CNOT10: variants seen among roughly 807,000 people sequenced by gnomAD.
CNOT10 encodes CCR4-NOT transcription complex, subunit 10.
A neutral mutation model predicts 94.6 loss-of-function variants in CNOT10; 30 were observed. The ratio of observed to expected loss-of-function variants is 0.32; its 90% CI spans 0.24 to 0.43. The LOEUF is 0.43. CNOT10 is among the 20% of genes least tolerant of loss of function. The pLI is 1.00. For missense variants in CNOT10, 759 were observed against 877.2 expected (o/e 0.87, Z 1.70); for synonymous variants, 289 against 301.6 (o/e 0.96, Z 0.43).
intron 18 of CNOT10, among the ~76,000 whole-genome samples, chr3:32,771,262 G>A (rs1700891975): frequency 1.3e-5 from 2 of 151,724 alleles, no homozygotes; most frequent in Admixed American, 1.3e-4. Context: ...TGGAGGTTGA[G>A]GCTGCAGTGA....
chr3:32,695,835 G>A (rs906013702), intron 1 of CNOT10: 7 of 1,531,932 alleles, frequency 4.6e-6, no homozygotes, highest in South Asian at 1.2e-5. Context: ...CTGGTAAGAA[G>A]TCAGTAGTTA....
chr3:32,706,760 A>G (rs1366094978), intron 3 of CNOT10, among the ~76,000 whole-genome samples: 4 of 152,232 alleles, frequency 2.6e-5, no homozygotes, highest in African/African-American at 9.6e-5. Flanking sequence ...ATAACTACAG[A>G]AAGAGTTGCC....
intron 3 of CNOT10, 79 bp from the exon 4 acceptor site, chr3:32,708,591 T>G: frequency 7.9e-7 from 1 of 1,269,926 alleles, no homozygotes; most frequent in Non-Finnish European, 1.1e-6. Context: ...CTATGTTCCT[T>G]TTTATTCATA....
chr3:32,692,230 G>A (rs1052037101), intron 1 of CNOT10, among the ~76,000 whole-genome samples: 4 of 152,090 alleles, frequency 2.6e-5, no homozygotes, highest in Non-Finnish European at 4.4e-5. Context: ...GGGTGTGGTG[G>A]CATGTGCCTG....
intron 11 of CNOT10, 56 bp from the exon 12 acceptor site, chr3:32,734,744 G>A: frequency 7.3e-7 from 1 of 1,361,030 alleles, no homozygotes; most frequent in Non-Finnish European, 1.0e-6. Flanking sequence ...CATAATAAAA[G>A]AGCCTTATTT....
At chr3:32,753,128 A>C (rs972259456) in intron 13 of CNOT10, 1 of 579,814 alleles carries the variant, frequency 1.7e-6, no homozygotes, top group African/African-American at 1.9e-5. Context: ...TCTCGAATTC[A>C]ATCCAAATAA....
At chr3:32,702,736 TAATATTTTTTA>T (rs921996277) in intron 1 of CNOT10, among the ~76,000 whole-genome samples, 16 of 152,272 alleles carry the variant, frequency 1.1e-4, no homozygotes, top group African/African-American at 3.8e-4. Flanking sequence ...GTGGCAGATC[TAATATTTTTTA>T]AAGAGCACAA....
chr3:32,763,325 GA>G (rs1016967054), intron 15 of CNOT10, among the ~76,000 whole-genome samples: 2 of 151,570 alleles, frequency 1.3e-5, no homozygotes, highest in East Asian at 3.9e-4. Context: ...AATAAGGAAA[GA>G]AAAAAAAGTT....
intron 4 of CNOT10, among the ~76,000 whole-genome samples, chr3:32,710,180 T>C (rs1697820269): frequency 6.7e-6 from 1 of 149,280 alleles, no homozygotes; most frequent in Non-Finnish European, 1.5e-5. Context: ...GAGAATTTCC[T>C]GAATTCATGA....
rs762236503 is a variant in CNOT10, at chr3:32,717,259, GT to G, written c.744+27del. On this transcript the variant is annotated intron_variant, in intron 7 of 18. Coordinates refer to ENST00000328834, the MANE Select transcript of CNOT10 (RefSeq NM_015442.3). ...AAATGTAAGTTTCTTCTGGACTTTT[GT>G]TTTTCAATTTGTGTCTTTCTTATTT... 122 of 1,495,750 alleles carry G rather than the reference GT, an allele frequency of 8.2e-5. No individual in the cohort carries two copies. The Middle Eastern group carries it at 2.9e-3, about 36-fold the overall frequency. 92.7% of individuals were successfully genotyped at this position (1,495,750 alleles called of 1,614,324 possible). A position where few individuals can be genotyped will look rare whatever the true frequency, so the allele number is the denominator to read the frequency against.
intron 7 of CNOT10, among the ~76,000 whole-genome samples, chr3:32,718,444 C>T (rs372128560): frequency 4.7e-5 from 7 of 150,048 alleles, no homozygotes; most frequent in Admixed American, 3.3e-4. Flanking sequence ...ATGAGCCGGG[C>T]GTGGTGGCGG....
At chr3:32,745,080 T>C (rs1369891003) in intron 13 of CNOT10, among the ~76,000 whole-genome samples, 2 of 152,046 alleles carry the variant, frequency 1.3e-5, no homozygotes, top group African/African-American at 2.4e-5. Context: ...GGTTTCACCA[T>C]GTTGGCCAGG....
At chr3:32,745,294 GTTT>G in intron 13 of CNOT10, among the ~76,000 whole-genome samples, 1 of 151,696 alleles carries the variant, frequency 6.6e-6, no homozygotes, top group South Asian at 2.1e-4. Context: ...AATTATTGTA[GTTT>G]TTTTTATTAT....
At chr3:32,741,870 C>G (rs1195017271) in intron 13 of CNOT10, among the ~76,000 whole-genome samples, 1 of 151,258 alleles carries the variant, frequency 6.6e-6, no homozygotes, top group Non-Finnish European at 1.5e-5. Flanking sequence ...GATCCAGTTT[C>G]TTTACCACAA....
At chr3:32,728,891 G>A (rs1187684123) in intron 10 of CNOT10, among the ~76,000 whole-genome samples, 2 of 152,104 alleles carry the variant, frequency 1.3e-5, no homozygotes, top group Non-Finnish European at 1.5e-5. Context: ...ACGAGGTCAG[G>A]AGATCGAGAC....
chr3:32,767,916 C>T (rs1287937590), intron 17 of CNOT10, among the ~76,000 whole-genome samples: 1 of 152,126 alleles, frequency 6.6e-6, no homozygotes, highest in African/African-American at 2.4e-5. Flanking sequence ...CAGCAGGTGG[C>T]CATGGCTGCT....
intron 3 of CNOT10, among the ~76,000 whole-genome samples, chr3:32,708,197 C>G (rs1697713226): frequency 6.6e-6 from 1 of 152,138 alleles, no homozygotes; most frequent in African/African-American, 2.4e-5. Flanking sequence ...CACGCCCGGC[C>G]AGCTATTATT....
At chr3:32,687,716 G>C (rs1268475701) in intron 1 of CNOT10, 2 of 152,050 alleles carry the variant, frequency 1.3e-5, no homozygotes, top group Admixed American at 6.6e-5. Context: ...CCCTCCCAAA[G>C]TGCTGGGATT....
intron 13 of CNOT10, among the ~76,000 whole-genome samples, chr3:32,756,021 A>G (rs1461461675): frequency 1.3e-5 from 2 of 152,102 alleles, no homozygotes; most frequent in Non-Finnish European, 2.9e-5. Context: ...TAACTATCAA[A>G]AGTAAAGTGA....
Sources: gnomAD v4.1 joint callset for allele counts (sites outside exome capture counted in the v4.1 genomes callset) on GRCh38, gnomAD v4.1.1 for gene constraint, MANE v1.5 for transcripts, NCBI Gene and HGNC (gene_info 2026-07-23, HGNC 2026-07-21) for gene names.